The following DPYSL3 variants were observed in gnomAD, a reference collection of about 807,000 sequenced individuals.
DPYSL3 encodes the protein dihydropyrimidinase-related protein 3.
DPYSL3 carries 16 observed loss-of-function variants against 66.1 expected under a neutral mutation model. That is an observed-to-expected ratio of 0.24 (90% CI 0.16 to 0.37). The LOEUF is 0.37. Among genes scored for constraint, DPYSL3 ranks in the 10% least tolerant of loss-of-function variants. DPYSL3 has a pLI of 1.00. For synonymous variants in DPYSL3, 338 were observed against 345.1 expected, an observed-to-expected ratio of 0.98 and a Z score of 0.23; for missense variants, 738 against 916.2, an observed-to-expected ratio of 0.81 and a Z score of 2.51.
At chr5:147,482,273 C>A (rs946644422) in intron 1 of DPYSL3, among the ~76,000 whole-genome samples, 2 of 152,114 alleles carry the variant, frequency 1.3e-5, no homozygotes, top group African/African-American at 2.4e-5. Flanking sequence ...ATGAAAGAAC[C>A]CTTTTCACAA....
At chr5:147,436,504 T>G (rs898070256) in intron 1 of DPYSL3, among the ~76,000 whole-genome samples, 1 of 152,182 alleles carries the variant, frequency 6.6e-6, no homozygotes, top group African/African-American at 2.4e-5. Context: ...ATTATTAACA[T>G]TGGATGTTGT....
chr5:147,434,226 G>A (rs1383303591), intron 1 of DPYSL3, among the ~76,000 whole-genome samples: 2 of 152,196 alleles, frequency 1.3e-5, no homozygotes, highest in African/African-American at 4.8e-5. Flanking sequence ...CAGGACCAGA[G>A]TATAAAGTCC....
Position 147,418,534 on chromosome 5 carries a change from A to G in DPYSL3, c.568T>C (p.Phe190Leu), listed in dbSNP as rs759750712. The change falls in exon 3 of 14, where the codon TTC becomes CTC. Residue 190 changes from phenylalanine to leucine, a missense_variant. Transcript: ENST00000343218. ...IPGGIDVHTH[F>L]QMPYKGMTTV... is the part of the protein sequence containing the mutation. ...GTCATTCCCTTATATGGCATCTGGAAGTGAGTATGGACATCGATGCCTCCA... is the reference window on the plus strand; with the variant it reads ...GTCATTCCCTTATATGGCATCTGGAGGTGAGTATGGACATCGATGCCTCCA... 3.7e-6 allele frequency: 6 copies of G among 1,613,536 alleles called. No homozygotes were observed. The East Asian group carries it at 1.3e-4, about 36-fold the overall frequency.
intron 1 of DPYSL3, among the ~76,000 whole-genome samples, chr5:147,446,502 C>A (rs1752631976): frequency 6.6e-6 from 1 of 152,198 alleles, no homozygotes; most frequent in Admixed American, 6.5e-5. Flanking sequence ...TCCAGATGTT[C>A]CAAATGGGTT....
rs188447309 is a variant in DPYSL3, at chr5:147,453,868, C to T, written c.382-28905G>A. ...TTTTGTTTTTTTTTTTCTTTTGCTG[C>T]GCCAGCTGGGACCCCATAAGACAAG... is the stretch of plus-strand genomic sequence containing the variant. On this transcript the variant is annotated intron_variant, in intron 1 of 13. Transcript: ENST00000343218. 3.1e-3 allele frequency: 2,122 copies of T among 681,502 alleles called. 28 individuals are homozygous for T. In the African/African-American group the frequency reaches 0.035, roughly 11 times the overall value. The allele number at this position is 681,502 out of a possible 1,614,324, so 42.2% of individuals were successfully genotyped here.
intron 1 of DPYSL3, among the ~76,000 whole-genome samples, chr5:147,439,737 G>A (rs1752496484): frequency 6.6e-6 from 1 of 152,108 alleles, no homozygotes; most frequent in Non-Finnish European, 1.5e-5. Flanking sequence ...ATGAAAAATG[G>A]TGAGAAGTGG....
intron 1 of DPYSL3, among the ~76,000 whole-genome samples, chr5:147,501,906 C>T (rs143742498): frequency 0.01 from 1,527 of 152,308 alleles, 15 homozygotes; most frequent in Middle Eastern, 0.037. Context: ...GTACTTTCCA[C>T]TTGACTTCAC....
intron 1 of DPYSL3, among the ~76,000 whole-genome samples, chr5:147,482,711 A>AT (rs918579578): frequency 1.1e-4 from 16 of 151,842 alleles, no homozygotes; most frequent in Admixed American, 4.6e-4. Flanking sequence ...ATTACTTCTG[A>AT]TTTTTTTTTC....
chr5:147,465,441 A>C (rs955894737), intron 1 of DPYSL3, among the ~76,000 whole-genome samples: 4 of 152,124 alleles, frequency 2.6e-5, no homozygotes, highest in African/African-American at 4.8e-5. Context: ...CTGGGAATAC[A>C]GGTGCCTGCC....
chr5:147,421,828 C>A (rs75072898), intron 2 of DPYSL3, among the ~76,000 whole-genome samples: 4 of 152,100 alleles, frequency 2.6e-5, no homozygotes, highest in Non-Finnish European at 5.9e-5. Flanking sequence ...AGGAACTGGA[C>A]CCCTTCCTTA....
At chr5:147,406,702 C>T (rs568856433) in intron 7 of DPYSL3, among the ~76,000 whole-genome samples, 104 of 152,264 alleles carry the variant, frequency 6.8e-4, no homozygotes, top group African/African-American at 2.4e-3. Context: ...TAAGTTAGTC[C>T]AATTCAGCAC....
At chr5:147,423,964 C>T (rs575016458) in intron 2 of DPYSL3, among the ~76,000 whole-genome samples, 4 of 152,222 alleles carry the variant, frequency 2.6e-5, no homozygotes, top group Admixed American at 6.5e-5. Flanking sequence ...GTGATCTGTC[C>T]GCCTCGGCCT....
At chr5:147,482,151 G>T (rs1310694167) in intron 1 of DPYSL3, among the ~76,000 whole-genome samples, 1 of 152,122 alleles carries the variant, frequency 6.6e-6, no homozygotes, top group Non-Finnish European at 1.5e-5. Flanking sequence ...GCAACAACAT[G>T]CAAGGATACC....
At chr5:147,414,575 A>G (rs1751923242) in intron 4 of DPYSL3, among the ~76,000 whole-genome samples, 1 of 151,980 alleles carries the variant, frequency 6.6e-6, no homozygotes, top group Non-Finnish European at 1.5e-5. Flanking sequence ...CCCAAACACT[A>G]CCCTTCCCAA....
intron 1 of DPYSL3, among the ~76,000 whole-genome samples, chr5:147,508,216 A>AACTTCAGCACTT (rs1200758330): frequency 2.6e-5 from 4 of 152,200 alleles, no homozygotes; most frequent in African/African-American, 9.6e-5. Flanking sequence ...GAACAGCACT[A>AACTTCAGCACTT]ACTTCAGCAC....
At chr5:147,394,600 G>A (rs1757914637) in intron 13 of DPYSL3, among the ~76,000 whole-genome samples, 1 of 148,886 alleles carries the variant, frequency 6.7e-6, no homozygotes, top group Admixed American at 6.8e-5. Context: ...AGCACAAAAA[G>A]AAATTTCAAT....
chr5:147,449,822 C>T (rs1006828841), intron 1 of DPYSL3, among the ~76,000 whole-genome samples: 10 of 152,190 alleles, frequency 6.6e-5, no homozygotes, highest in Admixed American at 1.3e-4. Flanking sequence ...CAAGTTGTAA[C>T]GTATGTCAGA....
intron 1 of DPYSL3, among the ~76,000 whole-genome samples, chr5:147,432,814 C>A (rs1752339010): frequency 6.6e-6 from 1 of 152,186 alleles, no homozygotes; most frequent in Non-Finnish European, 1.5e-5. Context: ...CTATCTTAGT[C>A]TCATAAATTC....
intron 1 of DPYSL3, chr5:147,453,443 C>A: frequency 1.4e-6 from 2 of 1,401,716 alleles, no homozygotes; most frequent in South Asian, 3.1e-5. Context: ...CCGTCCCTCC[C>A]CGGGGACCAG....
Sources: gnomAD v4.1 joint callset for allele counts (sites outside exome capture counted in the v4.1 genomes callset) on GRCh38, gnomAD v4.1.1 for gene constraint, MANE v1.5 for transcripts, NCBI Gene and HGNC (gene_info 2026-07-23, HGNC 2026-07-21) for gene names.